Variants in GTF2IRD1 observed in about 807,000 individuals in gnomAD.
GTF2IRD1 encodes the protein GTF2I repeat domain containing 1, also known as general transcription factor II-I repeat domain-containing protein 1.
GTF2IRD1 carries 26 observed loss-of-function variants against 113.2 expected under a neutral mutation model. That is an observed-to-expected ratio of 0.23 (90% CI 0.17 to 0.32). GTF2IRD1 has a LOEUF of 0.32. GTF2IRD1 is among the 10% of genes least tolerant of loss of function. GTF2IRD1 has a pLI of 1.00. For missense variants in GTF2IRD1, 864 were observed against 1,280.8 expected, an observed-to-expected ratio of 0.67 and a Z score of 4.97; for synonymous variants, 484 against 529.1, an observed-to-expected ratio of 0.91 and a Z score of 1.17.
chr7:74,601,688 A>C (rs1456695863), intron 26 of GTF2IRD1: 1 of 254,550 alleles, frequency 3.9e-6, no homozygotes, highest in African/African-American at 2.2e-5. Flanking sequence ...AGGCTGAGAT[A>C]GGAGAATCGC....
chr7:74,491,594 T>C (rs1021042193), intron 1 of GTF2IRD1, among the ~76,000 whole-genome samples: 3 of 152,116 alleles, frequency 2.0e-5, no homozygotes, highest in African/African-American at 7.2e-5. Flanking sequence ...TTTTCTGTTC[T>C]TGTGTTAGTT....
At position 74,555,342 on chromosome 7, in the gene GTF2IRD1, C is replaced by G. The variant is rs1554356407; in HGVS notation, c.1967-96C>G. On this transcript the variant is annotated intron_variant, in intron 18 of 26. Transcript: ENST00000424337. This position sits in a 1 kb window ranked among gnomAD's most constrained non-coding sequence, Gnocchi z 5.3. ...GCTCCCATCCTGGCCCTGGCATTCT[C>G]CCCACACCCCCACATTGGGTTTCCC... 14 of 1,449,622 alleles carry G rather than the reference C, an allele frequency of 9.7e-6. No individual in the cohort carries two copies. The highest frequency in any genetic ancestry group is 1.4e-5 in the Non-Finnish European group (14 of 1,031,478). The allele number at this position is 1,449,622 out of a possible 1,614,324, so 89.8% of individuals were successfully genotyped here. A position where few individuals can be genotyped will look rare whatever the true frequency, so the allele number is the denominator to read the frequency against.
intron 1 of GTF2IRD1, among the ~76,000 whole-genome samples, chr7:74,467,679 T>G (rs183954180): frequency 6.6e-6 from 1 of 152,034 alleles, no homozygotes; most frequent in East Asian, 1.9e-4. Flanking sequence ...TTTTGTATTT[T>G]ATTTTGTATT....
chr7:74,576,185 G>A (rs986635785), intron 22 of GTF2IRD1, among the ~76,000 whole-genome samples: 20 of 151,922 alleles, frequency 1.3e-4, no homozygotes, highest in African/African-American at 3.9e-4. Context: ...TTACCTAAAC[G>A]TAGTGGCTTC....
chr7:74,602,204 T>C (rs1802804638), intron 26 of GTF2IRD1, 161 bp from the exon 27 acceptor site: 1 of 762,740 alleles, frequency 1.3e-6, no homozygotes, highest in Non-Finnish European at 1.9e-6. Flanking sequence ...ATTGCATCAC[T>C]GCACTCCAGC....
At chr7:74,476,857 C>T (rs1794442330) in intron 1 of GTF2IRD1, among the ~76,000 whole-genome samples, 2 of 152,118 alleles carry the variant, frequency 1.3e-5, no homozygotes, top group African/African-American at 4.8e-5. Flanking sequence ...CCCAGGAGCT[C>T]CAGGGCAAGG....
At chr7:74,511,245 G>T (rs1796613173) in intron 2 of GTF2IRD1, among the ~76,000 whole-genome samples, 1 of 152,168 alleles carries the variant, frequency 6.6e-6, no homozygotes, top group South Asian at 2.1e-4. Flanking sequence ...CTTAAGTCCA[G>T]CCTCCTCCAA....
intron 1 of GTF2IRD1, among the ~76,000 whole-genome samples, chr7:74,484,779 A>G (rs1265187339): frequency 6.6e-6 from 1 of 152,138 alleles, no homozygotes; most frequent in Admixed American, 6.6e-5. Flanking sequence ...TTTAAGGCTC[A>G]GTAATATTCC....
chr7:74,593,189 C>G (rs1802168879), intron 24 of GTF2IRD1, among the ~76,000 whole-genome samples: 1 of 151,210 alleles, frequency 6.6e-6, no homozygotes, highest in South Asian at 2.1e-4. Context: ...ATAATATTTG[C>G]GTGTGTCAAA....
chr7:74,590,428 G>C (rs1357507473), intron 23 of GTF2IRD1, among the ~76,000 whole-genome samples: 1 of 147,082 alleles, frequency 6.8e-6, no homozygotes, highest in African/African-American at 2.5e-5. Flanking sequence ...TCACTCTGTC[G>C]CCCAGGCTGG....
chr7:74,573,731 TG>T (rs1554363458), intron 22 of GTF2IRD1, among the ~76,000 whole-genome samples: 1 of 151,796 alleles, frequency 6.6e-6, no homozygotes, highest in Non-Finnish European at 1.5e-5. Flanking sequence ...TCCAGCCTTG[TG>T]GGGAGGGGTG....
At chr7:74,509,635 T>G (rs1796507030) in intron 2 of GTF2IRD1, among the ~76,000 whole-genome samples, 1 of 152,182 alleles carries the variant, frequency 6.6e-6, no homozygotes, top group African/African-American at 2.4e-5. Context: ...GGGTAGTACC[T>G]TGCCCAAAGT....
chr7:74,527,893 T>A (rs587665527), intron 8 of GTF2IRD1, among the ~76,000 whole-genome samples: 1 of 150,848 alleles, frequency 6.6e-6, no homozygotes, highest in African/African-American at 2.4e-5. Context: ...GTAGCTGGGG[T>A]CGAAGTGAAT....
At chr7:74,601,416 G>A (rs1802763400) in intron 26 of GTF2IRD1, 2 of 1,478,882 alleles carry the variant, frequency 1.4e-6, no homozygotes, top group African/African-American at 2.8e-5. Context: ...TCCTCGCTGG[G>A]CAGATGGGCC....
intron 17 of GTF2IRD1, among the ~76,000 whole-genome samples, chr7:74,552,008 G>T (rs1172641746): frequency 6.6e-6 from 1 of 152,190 alleles, no homozygotes; most frequent in African/African-American, 2.4e-5. Flanking sequence ...AGGCAACAAC[G>T]TGCTTGGGTG....
chr7:74,601,444 C>T (rs1402983418), intron 26 of GTF2IRD1: 47 of 1,458,044 alleles, frequency 3.2e-5, no homozygotes, highest in Non-Finnish European at 4.2e-5. Flanking sequence ...GTCCACCTGC[C>T]CACACCCTTC....
chr7:74,583,441 C>T (rs1554366794), intron 22 of GTF2IRD1, among the ~76,000 whole-genome samples: 1 of 148,826 alleles, frequency 6.7e-6, no homozygotes, highest in East Asian at 2.0e-4. Context: ...AACTCGTGGC[C>T]TCAGTCTCCC....
intron 17 of GTF2IRD1, among the ~76,000 whole-genome samples, chr7:74,548,826 C>G (rs1439599953): frequency 6.6e-6 from 1 of 151,962 alleles, no homozygotes; most frequent in East Asian, 1.9e-4. Flanking sequence ...ATCACTTAAG[C>G]CCAGGAGGGG....
At chr7:74,591,819 T>G (rs782088216) in intron 24 of GTF2IRD1, among the ~76,000 whole-genome samples, 1 of 151,778 alleles carries the variant, frequency 6.6e-6, no homozygotes, top group Non-Finnish European at 1.5e-5. Flanking sequence ...AGGGTCTCAC[T>G]GTATTGCCCA....
Sources: allele counts gnomAD v4.1 joint callset (sites outside exome capture counted in the v4.1 genomes callset), GRCh38; gene constraint gnomAD v4.1.1; non-coding constraint Gnocchi (gnomAD v3.1); transcripts MANE v1.5; gene names NCBI Gene and HGNC (gene_info 2026-07-23, HGNC 2026-07-21).